CHIT1: variants seen among roughly 807,000 people sequenced by gnomAD.
CHIT1 encodes chitotriosidase-1.
A neutral mutation model predicts 52.0 loss-of-function variants in CHIT1; 47 were observed. The ratio of observed to expected loss-of-function variants is 0.90; its 90% CI spans 0.71 to 1.15. The LOEUF (loss-of-function observed/expected upper bound fraction) is 1.15. Among genes scored for constraint, CHIT1 ranks in the 50% most tolerant of loss-of-function variants. CHIT1 has a pLI of 0.00. For synonymous variants in CHIT1, 242 were observed against 228.2 expected, an observed-to-expected ratio of 1.06 and a Z score of -0.54; for missense variants, 569 against 583.0, an observed-to-expected ratio of 0.98 and a Z score of 0.25.
In CHIT1 at chr1:203,225,824, G is replaced by C; in HGVS notation, c.102C>G (p.Tyr34Ter). The C allele has an allele frequency of 6.2e-7, 1 of 1,614,182 alleles. No individual in the cohort carries two copies. The highest frequency in any genetic ancestry group is 8.5e-7 in the Non-Finnish European group (1 of 1,180,044). The change falls in exon 3 of 11, where the codon TAC becomes TAG. Residue 34 changes from tyrosine (Y) to a stop codon, truncating the protein, a stop_gained. Transcript: ENST00000367229. LOFTEE classifies it high-confidence loss of function. Reference protein sequence around the residue: ...LVCYFTNWAQYRQGEARFLPK... With the variant: ...LVCYFTNWAQ ...GCAGGAAGCGAGCCTCCCCCTGTCT[G>C]TACTGGGCCCAGTTGGTGAAGTAGC...
intron 6 of CHIT1, 47 bp downstream of exon 6, chr1:203,223,088 C>T (rs1656795434): frequency 6.2e-7 from 1 of 1,612,484 alleles, no homozygotes; most frequent in Non-Finnish European, 8.5e-7. Flanking sequence ...CCCTTGGCCT[C>T]TCTTCCCTCA....
intron 8 of CHIT1, 161 bp from the exon 9 acceptor site, chr1:203,219,490 G>A: frequency 1.1e-6 from 1 of 928,186 alleles, no homozygotes; most frequent in Non-Finnish European, 1.7e-6. Flanking sequence ...GACTCAGCTT[G>A]AGGCACCTGG....
In CHIT1 at chr1:203,216,776, C is replaced by T. The variant is rs778665377; in HGVS notation, c.*113G>A. The T allele has an allele frequency of 9.8e-6, 14 of 1,423,618 alleles. No homozygotes were observed. In the African/African-American group the frequency reaches 1.8e-4, roughly 19 times the overall value. 88.2% of individuals were successfully genotyped at this position (1,423,618 alleles called of 1,614,324 possible). A position where few individuals can be genotyped will look rare whatever the true frequency, so the allele number is the denominator to read the frequency against. ...GCAGAAAGCCTGGATAAAGGAAGAC[C>T]ACAGAAAGGCCTGCAGGAGCCAGAT... is the stretch of plus-strand genomic sequence containing the variant. On this transcript the variant is annotated 3_prime_UTR_variant, in exon 11 of 11. Coordinates refer to ENST00000367229, the MANE Select transcript of CHIT1 (RefSeq NM_003465.3).
In CHIT1 at chr1:203,225,634, C is replaced by T. The variant is rs1400349248; in HGVS notation, c.257+35G>A. On this transcript the variant is annotated intron_variant, in intron 3 of 10. Coordinates refer to ENST00000367229, the MANE Select transcript of CHIT1 (RefSeq NM_003465.3). ...GAGGAGGTTATCTGTCACCCCACCA[C>T]ATCCCACCCACCCTGCTCCTCTGCT... is the stretch of plus-strand genomic sequence containing the variant. 6 of 1,595,426 alleles carry T rather than the reference C, an allele frequency of 3.8e-6. No individual in the cohort carries two copies. The East Asian group carries it at 9.0e-5, about 24-fold the overall frequency.
chr1:203,219,655 T>A lies in CHIT1; in HGVS notation c.915+9A>T. 1 of 1,614,008 alleles carries A rather than the reference T, an allele frequency of 6.2e-7. No homozygotes were observed. Among genetic ancestry groups the A allele is most frequent in the Non-Finnish European group, 8.5e-7 (1 of 1,179,936 alleles). ...TCACAATACCCAGGGTGGTTATGGGTTTTCCTACTTCATAGTAGGCCAGCA... is the reference window on the plus strand; with the variant it reads ...TCACAATACCCAGGGTGGTTATGGGATTTCCTACTTCATAGTAGGCCAGCA... On this transcript the variant is annotated intron_variant, in intron 8 of 10. Coordinates refer to ENST00000367229, the MANE Select transcript of CHIT1 (RefSeq NM_003465.3).
At chr1:203,227,183 T>C (rs533985044) in intron 2 of CHIT1, among the ~76,000 whole-genome samples, 43 of 152,166 alleles carry the variant, frequency 2.8e-4, no homozygotes, top group Non-Finnish European at 5.1e-4. Context: ...CCCGAGAGCA[T>C]GGAGGGCTGA....
In CHIT1 at chr1:203,227,071, C is replaced by T. The variant is rs529295734; in HGVS notation, c.56-1201G>A. Among the ~76,000 whole-genome samples the T allele has an allele frequency of 7.2e-5, 11 of 152,286 alleles. No individual in the cohort carries two copies. The South Asian group carries it at 2.3e-3, about 32-fold the overall frequency. On this transcript the variant is annotated intron_variant, in intron 2 of 10. Coordinates refer to ENST00000367229, the MANE Select transcript of CHIT1 (RefSeq NM_003465.3). ...CCAGCAGGGTCTGTCTGTACCCCCT[C>T]CAATGCCCACATGGACAGGGATGGG...
At chr1:203,217,560 A>G (rs1049593326) in intron 10 of CHIT1, among the ~76,000 whole-genome samples, 179 bp downstream of exon 10, 15 of 152,228 alleles carry the variant, frequency 9.9e-5, no homozygotes, top group South Asian at 4.1e-4. Flanking sequence ...GACCGCAAAA[A>G]GGAAAATTGT....
chr1:203,229,807 G>C (rs1207389129), upstream of CHIT1: 1 of 746,546 alleles, frequency 1.3e-6, no homozygotes, highest in Admixed American at 2.0e-5. Flanking sequence ...AGCATGAATT[G>C]GGCAAACTTG....
Position 203,216,883 on chromosome 1 carries a change from A to G in CHIT1, c.*6T>C. On this transcript the variant is annotated 3_prime_UTR_variant, in exon 11 of 11. Coordinates refer to ENST00000367229, the MANE Select transcript of CHIT1 (RefSeq NM_003465.3). Reference sequence around the variant, plus strand: ...TCAAAGCTGGGACTGGAGGGGCTTTAGCGACTCAATTCCAGGTGCAGCATT... The same window carrying G: ...TCAAAGCTGGGACTGGAGGGGCTTTGGCGACTCAATTCCAGGTGCAGCATT... The G allele has an allele frequency of 6.2e-7, 1 of 1,613,984 alleles. No individual in the cohort carries two copies. Among genetic ancestry groups the G allele is most frequent in the Non-Finnish European group, 8.5e-7 (1 of 1,180,016 alleles).
intron 7 of CHIT1, among the ~76,000 whole-genome samples, chr1:203,221,704 C>G (rs901267165): frequency 1.3e-5 from 2 of 152,146 alleles, no homozygotes; most frequent in African/African-American, 4.8e-5. Flanking sequence ...CCAACCTACC[C>G]TAGTCTAAAA....
At chr1:203,220,529 A>G (rs78014816) in intron 7 of CHIT1, among the ~76,000 whole-genome samples, 4,326 of 152,266 alleles carry the variant, frequency 0.028, 84 homozygotes, top group Non-Finnish European at 0.045. Flanking sequence ...TAACACCCCC[A>G]GGCCTGTGAC....
chr1:203,229,593 C>T lies in CHIT1; in HGVS notation c.25+19G>A. On this transcript the variant is annotated intron_variant, in intron 1 of 10. Coordinates refer to ENST00000367229, the MANE Select transcript of CHIT1 (RefSeq NM_003465.3). ...CTCCCCACAGCTCCCGAGACCCAGC[C>T]CACTATCCGACGGCTCACCTGCCCA... is the stretch of plus-strand genomic sequence containing the variant. The T allele has an allele frequency of 6.2e-7, 1 of 1,613,994 alleles. No individual in the cohort carries two copies. Among genetic ancestry groups the T allele is most frequent in the Non-Finnish European group, 8.5e-7 (1 of 1,179,962 alleles).
Position 203,219,957 on chromosome 1 carries a change from G to T in CHIT1, c.730-108C>A, listed in dbSNP as rs1014314290. 4 of 1,329,176 alleles carry T rather than the reference G, an allele frequency of 3.0e-6. No homozygotes were observed. The African/African-American group carries it at 5.8e-5, about 19-fold the overall frequency. 82.3% of individuals were successfully genotyped at this position (1,329,176 alleles called of 1,614,324 possible). A position where few individuals can be genotyped will look rare whatever the true frequency, so the allele number is the denominator to read the frequency against. ...TAGGAGGGCAGGGGCTCCTCAGCTG[G>T]AGCTCTACGGGCCTTTGTTAGGATT... On this transcript the variant is annotated intron_variant, in intron 7 of 10. Transcript: ENST00000367229.
chr1:203,222,253 G>A lies in CHIT1; in HGVS notation c.678C>T (p.Ser226=), dbSNP rs193156676. The A allele has an allele frequency of 1.2e-6, 2 of 1,614,212 alleles. No individual in the cohort carries two copies. Among genetic ancestry groups the A allele is most frequent in the Non-Finnish European group, 1.7e-6 (2 of 1,180,038 alleles). Reference sequence around the variant, plus strand: ...TCTCTTCTTGCCTCTTGTAGAGGGGGCTGTTATGTCCCGTGACCTTCTCCC... The same window carrying A: ...TCTCTTCTTGCCTCTTGTAGAGGGGACTGTTATGTCCCGTGACCTTCTCCC... ...GSWEKVTGHN[S]PLYKRQEESG... is the part of the protein sequence containing the mutation. The change falls in exon 7 of 11, where the codon AGC becomes AGT. Residue 226 remains serine (S), a synonymous_variant. Transcript: ENST00000367229.
intron 5 of CHIT1, 62 bp from the exon 6 acceptor site, chr1:203,223,321 C>T (rs1571847736): frequency 1.9e-6 from 2 of 1,039,520 alleles, no homozygotes; most frequent in Admixed American, 6.3e-5. Context: ...CCCCTGTGAG[C>T]CCCAGGTAGA....
At chr1:203,225,476 C>T (rs1447395034) in intron 3 of CHIT1, among the ~76,000 whole-genome samples, 193 bp downstream of exon 3, 1 of 152,150 alleles carries the variant, frequency 6.6e-6, no homozygotes, top group South Asian at 2.1e-4. Flanking sequence ...TGGAAGGGAC[C>T]TTTGGGATCC....
At position 203,216,294 on chromosome 1, in the gene CHIT1, C is replaced by T. The variant is rs1656522065; in HGVS notation, c.*595G>A. On this transcript the variant is annotated 3_prime_UTR_variant, in exon 11 of 11. Coordinates refer to ENST00000367229, the MANE Select transcript of CHIT1 (RefSeq NM_003465.3). ...CCAAACAGGATTTATCTCGAAGACC[C>T]CTGAGTACCAGGGGTCTGAATTCTT... The T allele has an allele frequency of 8.8e-6, 4 of 453,944 alleles. No individual in the cohort carries two copies. Among genetic ancestry groups the T allele is most frequent in the African/African-American group, 4.0e-5 (2 of 49,986 alleles). 28.1% of individuals were successfully genotyped at this position (453,944 alleles called of 1,614,324 possible). A position where few individuals can be genotyped will look rare whatever the true frequency, so the allele number is the denominator to read the frequency against.
rs766945133 is a variant in CHIT1 at position 203,217,775 on chromosome 1, G to C, written c.1120C>G (p.Arg374Gly). The change falls in exon 10 of 11, where the codon CGA becomes GGA. Residue 374 changes from arginine to glycine, a missense_variant. Physicochemically the swap from Arg to Gly is moderately radical, Grantham distance 125. Transcript: ENST00000367229. ...DFAGFSCNQG[R>G]YPLIQTLRQE... ...CGTAGCGTCTGGATGAGGGGGTATC[G>C]GCCCTGGTTGCAGGAGAAGCCGGCA... The C allele has an allele frequency of 1.2e-6, 2 of 1,612,610 alleles. No homozygotes were observed. The highest frequency in any genetic ancestry group is 1.7e-6 in the Non-Finnish European group (2 of 1,179,394).
Sources: allele counts gnomAD v4.1 joint callset (sites outside exome capture counted in the v4.1 genomes callset), GRCh38; gene constraint gnomAD v4.1.1; transcripts MANE v1.5; gene names NCBI Gene and HGNC (gene_info 2026-07-23, HGNC 2026-07-21).